MGAT4C: variants seen among roughly 807,000 people sequenced by gnomAD.
MGAT4C encodes MGAT4 family member C, also known as alpha-1,3-mannosyl-glycoprotein 4-beta-N-acetylglucosaminyltransferase C.
Under a neutral mutation model 40.1 loss-of-function variants are expected in MGAT4C, and 19 were observed. That is an observed-to-expected ratio of 0.47 (90% CI 0.33 to 0.70). The LOEUF is 0.70. Ranked by LOEUF, MGAT4C falls within the 30% of genes least tolerant of loss-of-function variation. MGAT4C has a pLI of 0.02. For missense variants in MGAT4C, 491 were observed against 563.2 expected (o/e 0.87, Z 1.30); for synonymous variants, 181 against 187.1 (o/e 0.97, Z 0.27).
At chr12:86,191,538 A>C (rs1251100939) in intron 1 of MGAT4C, among the ~76,000 whole-genome samples, 2 of 151,396 alleles carry the variant, frequency 1.3e-5, no homozygotes, top group Non-Finnish European at 2.9e-5. Flanking sequence ...AAGTGGGTAC[A>C]GAAAAGGATG....
intron 1 of MGAT4C, among the ~76,000 whole-genome samples, chr12:86,159,471 T>C (rs930887210): frequency 8.6e-5 from 13 of 151,964 alleles, no homozygotes; most frequent in Admixed American, 6.6e-4. Flanking sequence ...TGAGGGATTT[T>C]AGTCGGTAGC....
Position 86,241,863 on chromosome 12 carries a change from T to TGTCTGACTTGGCCC in MGAT4C, c.-57+14362_-57+14375dup, listed in dbSNP as rs1377660110. Among the ~76,000 whole-genome samples the TGTCTGACTTGGCCC allele has an allele frequency of 3.3e-5, 5 of 152,280 alleles. No homozygotes were observed. The East Asian group carries it at 9.7e-4, about 29-fold the overall frequency. ...AGCCTTTAGCTTCATACTCACTACCTGTCTGACTTGGCCCAATAAGCCACT... is the reference window on the plus strand; with the variant it reads ...AGCCTTTAGCTTCATACTCACTACCTGTCTGACTTGGCCCGTCTGACTTGGCCCAATAAGCCACT... On this transcript the variant is annotated intron_variant, in intron 1 of 4. Transcript: ENST00000611864.
chr12:86,242,413 T>C (rs560100170), intron 1 of MGAT4C, among the ~76,000 whole-genome samples: 6 of 152,316 alleles, frequency 3.9e-5, no homozygotes, highest in Admixed American at 2.6e-4. Flanking sequence ...TTTATTTAAA[T>C]GACCTCTCAG....
intron 1 of MGAT4C, among the ~76,000 whole-genome samples, chr12:86,738,858 G>A (rs1325226360): frequency 6.6e-6 from 1 of 150,900 alleles, no homozygotes; most frequent in Non-Finnish European, 1.5e-5. Flanking sequence ...AACTGAAGAG[G>A]TTGAACACAA....
intron 2 of MGAT4C, among the ~76,000 whole-genome samples, chr12:86,510,794 G>T (rs373447973): frequency 1.3e-5 from 2 of 152,096 alleles, no homozygotes; most frequent in South Asian, 2.1e-4. Flanking sequence ...GAGCTAACTA[G>T]CCTAAATATA....
intron 2 of MGAT4C, among the ~76,000 whole-genome samples, chr12:86,043,430 A>G (rs929790690): frequency 2.0e-5 from 3 of 152,172 alleles, no homozygotes; most frequent in Non-Finnish European, 2.9e-5. Context: ...TTGGAGTCCA[A>G]TGTTCAAGGT....
intron 2 of MGAT4C, among the ~76,000 whole-genome samples, chr12:86,603,663 T>A (rs1460927645): frequency 7.8e-6 from 1 of 128,398 alleles, no homozygotes; most frequent in Non-Finnish European, 1.6e-5. Flanking sequence ...ATAGTCTATA[T>A]TATATATAGT....
At chr12:86,178,925 A>AT (rs1275711939) in intron 1 of MGAT4C, among the ~76,000 whole-genome samples, 21 of 151,618 alleles carry the variant, frequency 1.4e-4, no homozygotes, top group Admixed American at 4.6e-4. Context: ...CTGTTTTCTG[A>AT]TTTTCTCCTG....
chr12:86,498,839 A>ACAG (rs1319926635), intron 2 of MGAT4C, among the ~76,000 whole-genome samples: 5 of 151,960 alleles, frequency 3.3e-5, no homozygotes, highest in African/African-American at 1.2e-4. Context: ...GCAAAACTGT[A>ACAG]AACATCGAAT....
intron 1 of MGAT4C, among the ~76,000 whole-genome samples, chr12:86,151,652 C>G (rs1884302283): frequency 6.6e-6 from 1 of 151,934 alleles, no homozygotes; most frequent in South Asian, 2.1e-4. Flanking sequence ...AGTGAATGAA[C>G]ACATCCATAT....
intron 1 of MGAT4C, among the ~76,000 whole-genome samples, chr12:86,792,657 C>T (rs375516741): frequency 8.5e-5 from 13 of 152,078 alleles, no homozygotes; most frequent in Non-Finnish European, 1.9e-4. Flanking sequence ...TGTGGCCGGG[C>T]GCAGTGGCTC....
rs199731259 is a variant in MGAT4C at position 86,458,331 on chromosome 12, CCTT to C, written c.-228-23069_-228-23067del. ...AGTTGTCTGTATAAGGATTTCCACA[CCTT>C]CTCTAAAGTTCTCAAAAGTGCAATC... is the stretch of plus-strand genomic sequence containing the variant. On this transcript the variant is annotated intron_variant, in intron 2 of 7. Transcript: ENST00000548651. Among the ~76,000 whole-genome samples the C allele has an allele frequency of 8.1e-3, 1,233 of 152,268 alleles. 23 individuals are homozygous for C. Among genetic ancestry groups the C allele is most frequent in the African/African-American group, 0.029 (1,185 of 41,566 alleles).
chr12:86,407,783 C>G (rs551260376), intron 3 of MGAT4C, among the ~76,000 whole-genome samples: 1 of 151,908 alleles, frequency 6.6e-6, no homozygotes, highest in African/African-American at 2.4e-5. Context: ...AACGTTTTTT[C>G]AAGAAGATGA....
intron 4 of MGAT4C, among the ~76,000 whole-genome samples, chr12:86,326,002 T>G (rs2136167645): frequency 6.6e-6 from 1 of 152,290 alleles, no homozygotes; most frequent in African/African-American, 2.4e-5. Flanking sequence ...GCTTTGAAGT[T>G]AAGACCATCT....
intron 4 of MGAT4C, among the ~76,000 whole-genome samples, chr12:86,279,665 T>TC (rs1953164992): frequency 6.6e-6 from 1 of 151,654 alleles, no homozygotes; most frequent in African/African-American, 2.4e-5. Flanking sequence ...ATCTTTTTTT[T>TC]TTCTTCTACT....
intron 3 of MGAT4C, among the ~76,000 whole-genome samples, chr12:86,353,269 A>C (rs1265749122): frequency 6.6e-6 from 1 of 152,116 alleles, no homozygotes; most frequent in Non-Finnish European, 1.5e-5. Flanking sequence ...GCTAAGATAG[A>C]GTAATTATGT....
intron 2 of MGAT4C, among the ~76,000 whole-genome samples, chr12:86,582,945 T>C (rs926606651): frequency 6.6e-6 from 1 of 150,986 alleles, no homozygotes; most frequent in African/African-American, 2.4e-5. Flanking sequence ...CATAAATAAA[T>C]AAAACATCAC....
intron 1 of MGAT4C, among the ~76,000 whole-genome samples, chr12:86,244,569 C>G (rs1270917641): frequency 6.6e-6 from 1 of 152,188 alleles, no homozygotes; most frequent in African/African-American, 2.4e-5. Context: ...CTACTCTGCG[C>G]TAGCACTGCT....
At chr12:86,479,540 G>A (rs115586331) in intron 2 of MGAT4C, among the ~76,000 whole-genome samples, 273 of 151,984 alleles carry the variant, frequency 1.8e-3, no homozygotes, top group African/African-American at 5.6e-3. Context: ...AAGGTCACAT[G>A]ATATGTTACC....
Sources: gnomAD v4.1 joint callset for allele counts (sites outside exome capture counted in the v4.1 genomes callset) on GRCh38, gnomAD v4.1.1 for gene constraint, MANE v1.5 for transcripts, NCBI Gene and HGNC (gene_info 2026-07-23, HGNC 2026-07-21) for gene names.